The following SLC29A3 variants were observed in gnomAD, a reference collection of about 807,000 sequenced individuals.
SLC29A3 encodes equilibrative nucleoside transporter 3.
A neutral mutation model predicts 25.4 loss-of-function variants in SLC29A3; 18 were observed. The ratio of observed to expected loss-of-function variants is 0.71; its 90% CI spans 0.49 to 1.05. The LOEUF is 1.05. Among genes scored for constraint, SLC29A3 ranks in the 50% least tolerant of loss-of-function variants. The pLI, the probability that SLC29A3 is intolerant of heterozygous loss-of-function variation, is 0.00. For synonymous variants in SLC29A3, 258 were observed against 267.1 expected (o/e 0.97, Z 0.33); for missense variants, 586 against 609.0 (o/e 0.96, Z 0.40).
At chr10:71,326,047 A>G (rs1199942166) in intron 2 of SLC29A3, among the ~76,000 whole-genome samples, 2 of 150,538 alleles carry the variant, frequency 1.3e-5, no homozygotes, top group Non-Finnish European at 2.9e-5. Flanking sequence ...CCTCCTGAGT[A>G]GCTGAGACTA....
At chr10:71,376,543 T>C (rs1847252968) in intron 4 of SLC29A3, among the ~76,000 whole-genome samples, 1 of 152,220 alleles carries the variant, frequency 6.6e-6, no homozygotes, top group Admixed American at 6.5e-5. Context: ...CCAATAACAA[T>C]GTCACTTATT....
intron 3 of SLC29A3, among the ~76,000 whole-genome samples, chr10:71,370,635 A>G (rs1847204429): frequency 6.6e-6 from 1 of 152,214 alleles, no homozygotes; most frequent in African/African-American, 2.4e-5. Context: ...CCTAGGCTCA[A>G]GTGATCCTCC....
intron 3 of SLC29A3, among the ~76,000 whole-genome samples, chr10:71,375,141 T>C (rs1847240670): frequency 6.6e-6 from 1 of 152,172 alleles, no homozygotes; most frequent in South Asian, 2.1e-4. Flanking sequence ...ATTATCCTGC[T>C]CTTAGATCCA....
chr10:71,369,981 AAGG>A (rs1472646229), intron 3 of SLC29A3, among the ~76,000 whole-genome samples: 2 of 152,182 alleles, frequency 1.3e-5, no homozygotes, highest in Non-Finnish European at 2.9e-5. Context: ...TAGACAGGGT[AAGG>A]AGGGGGAGAA....
intron 2 of SLC29A3, among the ~76,000 whole-genome samples, chr10:71,338,940 C>T (rs917019858): frequency 1.4e-4 from 22 of 152,266 alleles, no homozygotes; most frequent in African/African-American, 4.1e-4. Context: ...TGATGCACCG[C>T]GACCCCAGTG....
At chr10:71,353,556 G>A (rs1424631171) in intron 4 of SLC29A3, among the ~76,000 whole-genome samples, 3 of 152,126 alleles carry the variant, frequency 2.0e-5, no homozygotes, top group Non-Finnish European at 2.9e-5. Context: ...CAGAAAGTCC[G>A]TTCAGAAAAG....
At chr10:71,330,954 A>G (rs967317261) in intron 2 of SLC29A3, among the ~76,000 whole-genome samples, 1 of 152,072 alleles carries the variant, frequency 6.6e-6, no homozygotes, top group African/African-American at 2.4e-5. Context: ...ATTTGCTCCC[A>G]GGTACAAAGT....
chr10:71,345,185 A>C (rs571842452), intron 3 of SLC29A3, among the ~76,000 whole-genome samples: 1 of 152,322 alleles, frequency 6.6e-6, no homozygotes, highest in East Asian at 1.9e-4. Flanking sequence ...ATATTATGTC[A>C]TGGGGATATT....
At chr10:71,351,920 A>C in intron 4 of SLC29A3, 132 bp downstream of exon 4, 2 of 839,300 alleles carry the variant, frequency 2.4e-6, no homozygotes, top group South Asian at 1.4e-5. Context: ...TCAGTCATCT[A>C]GTGTTGTAGA....
At position 71,354,068 on chromosome 10, in the gene SLC29A3, T is replaced by G. The variant is rs111518002; in HGVS notation, c.611-2013T>G. The stretch of plus-strand genomic sequence containing the variant: ...AGCTTCTCAGAAGTGGGCATCCTCT[T>G]GGCAAAGGGTTTACCCGTTGTTGCT... On this transcript the variant is annotated intron_variant, in intron 4 of 5. Transcript: ENST00000373189. Among the ~76,000 whole-genome samples the G allele has an allele frequency of 9.4e-3, 1,429 of 152,324 alleles. 26 individuals carry two copies. Among genetic ancestry groups the G allele is most frequent in the African/African-American group, 0.033 (1,374 of 41,558 alleles).
chr10:71,345,648 A>G (rs1247644022), intron 3 of SLC29A3, among the ~76,000 whole-genome samples: 3 of 139,838 alleles, frequency 2.1e-5, no homozygotes, highest in African/African-American at 5.5e-5. Context: ...TCACCAGCCA[A>G]CTGGCCTTCA....
At chr10:71,333,051 C>A (rs948737476) in intron 2 of SLC29A3, among the ~76,000 whole-genome samples, 3 of 152,258 alleles carry the variant, frequency 2.0e-5, no homozygotes, top group African/African-American at 7.2e-5. Context: ...ATTTCCTGGA[C>A]AAATTAGAAG....
intron 2 of SLC29A3, among the ~76,000 whole-genome samples, chr10:71,325,698 A>AGCCCCTCAACTCAAGGTGTGTCCTTG (rs1845948854): frequency 6.6e-6 from 1 of 152,140 alleles, no homozygotes. Context: ...AGTAGTTTAC[A>AGCCCCTCAACTCAAGGTGTGTCCTTG]GCCCCTCAAC....
intron 4 of SLC29A3, among the ~76,000 whole-genome samples, chr10:71,352,068 C>T (rs553584362): frequency 1.3e-5 from 2 of 152,296 alleles, no homozygotes; most frequent in Admixed American, 1.3e-4. Flanking sequence ...GTGGCACGCC[C>T]TCCTGGCTGG....
intron 1 of SLC29A3, among the ~76,000 whole-genome samples, chr10:71,320,743 G>T (rs1241329091): frequency 6.6e-6 from 1 of 152,204 alleles, no homozygotes; most frequent in African/African-American, 2.4e-5. Context: ...TGCTACCCCA[G>T]CAGGGGAGAA....
chr10:71,370,029 CAG>C (rs1278370748), intron 3 of SLC29A3, among the ~76,000 whole-genome samples: 1 of 152,182 alleles, frequency 6.6e-6, no homozygotes, highest in Admixed American at 6.5e-5. Context: ...GTGTGAGGGA[CAG>C]GGGCCACCCA....
chr10:71,343,869 A>G (rs1023227369), intron 2 of SLC29A3, among the ~76,000 whole-genome samples: 2 of 152,180 alleles, frequency 1.3e-5, no homozygotes, highest in Admixed American at 1.3e-4. Context: ...TTCTTTTCAG[A>G]CATAACACTG....
At chr10:71,357,675 C>T (rs1460203115) in intron 5 of SLC29A3, among the ~76,000 whole-genome samples, 2 of 152,212 alleles carry the variant, frequency 1.3e-5, no homozygotes, top group Admixed American at 6.5e-5. Flanking sequence ...TCCTTTCCAC[C>T]TCTAGGACCT....
chr10:71,359,794 G>C (rs1464819335), intron 5 of SLC29A3, among the ~76,000 whole-genome samples: 5 of 151,938 alleles, frequency 3.3e-5, no homozygotes, highest in African/African-American at 1.2e-4. Context: ...CCAGAACCAA[G>C]TTACTGCTTA....
Sources: gnomAD v4.1 joint callset for allele counts (sites outside exome capture counted in the v4.1 genomes callset) on GRCh38, gnomAD v4.1.1 for gene constraint, MANE v1.5 for transcripts, NCBI Gene and HGNC (gene_info 2026-07-23, HGNC 2026-07-21) for gene names.